Variants in POC1B observed in about 807,000 individuals in gnomAD.
POC1B encodes the protein POC1 centriolar protein B, also known as POC1 centriolar protein homolog B.
In POC1B, 44 loss-of-function variants were observed where a neutral mutation model predicts 60.6. The ratio of observed to expected loss-of-function variants is 0.73; its 90% confidence interval spans 0.57 to 0.93. POC1B has a LOEUF of 0.93. POC1B is among the 40% of genes least tolerant of loss of function. The pLI, the probability that POC1B is intolerant of heterozygous loss-of-function variation, is 0.00. For missense variants in POC1B, 555 were observed against 572.3 expected (o/e 0.97, Z 0.31); for synonymous variants, 180 against 198.9 (o/e 0.90, Z 0.80).
intron 10 of POC1B, among the ~76,000 whole-genome samples, chr12:89,442,815 G>A (rs1174911753): frequency 1.3e-5 from 2 of 152,142 alleles, no homozygotes; most frequent in African/African-American, 2.4e-5. Flanking sequence ...TGGCAAATTG[G>A]ATAAAGAGTC....
intron 4 of POC1B, among the ~76,000 whole-genome samples, chr12:89,491,561 T>C (rs1868971158): frequency 6.7e-6 from 1 of 149,726 alleles, no homozygotes; most frequent in South Asian, 2.1e-4. Context: ...GAAGTCAAGG[T>C]TGCAATGAGC....
chr12:89,457,339 A>C (rs554619336), intron 10 of POC1B, among the ~76,000 whole-genome samples: 1 of 152,328 alleles, frequency 6.6e-6, no homozygotes, highest in South Asian at 2.1e-4. Context: ...AAGTAATTTT[A>C]TTTTAGTTTT....
chr12:89,440,059 AT>A (rs1881447484), intron 10 of POC1B, among the ~76,000 whole-genome samples: 1 of 152,116 alleles, frequency 6.6e-6, no homozygotes, highest in African/African-American at 2.4e-5. Flanking sequence ...TGCATCCCCC[AT>A]CCCCAGCTCC....
chr12:89,456,111 C>T (rs1184739548), intron 10 of POC1B, among the ~76,000 whole-genome samples: 1 of 152,022 alleles, frequency 6.6e-6, no homozygotes, highest in Non-Finnish European at 1.5e-5. Flanking sequence ...ACCTCCACCT[C>T]CTGGGTTCAA....
At chr12:89,445,545 G>T (rs1488617282) in intron 10 of POC1B, among the ~76,000 whole-genome samples, 1 of 152,142 alleles carries the variant, frequency 6.6e-6, no homozygotes, top group Non-Finnish European at 1.5e-5. Flanking sequence ...GGGAAAACTG[G>T]CTAGCCATAT....
intron 2 of POC1B, 112 bp downstream of exon 2, chr12:89,525,008 C>T (rs573120625): frequency 2.7e-6 from 4 of 1,490,364 alleles, no homozygotes; most frequent in East Asian, 2.4e-5. Flanking sequence ...TGCTCTCAAC[C>T]CTCATACAGG....
At chr12:89,418,573 G>T (rs1880409525), downstream of POC1B, among the ~76,000 whole-genome samples, 2 of 152,124 alleles carry the variant, frequency 1.3e-5, no homozygotes, top group Non-Finnish European at 2.9e-5. Flanking sequence ...GTTGGAGATG[G>T]GGCTTAAGGG....
chr12:89,476,759 T>TAGACAGACAGACAGATAGATAGACAGAC (rs1883137112), intron 4 of POC1B, among the ~76,000 whole-genome samples: 11 of 58,582 alleles, frequency 1.9e-4, no homozygotes, highest in African/African-American at 5.8e-4. Flanking sequence ...GATAGATAGA[T>TAGACAGACAGACAGATAGATAGACAGAC]AGACAGACAG....
intron 2 of POC1B, among the ~76,000 whole-genome samples, chr12:89,514,402 C>CTTATTTTTTTTTT (rs772337483): frequency 1.5e-5 from 1 of 67,088 alleles, no homozygotes; most frequent in East Asian, 4.8e-4. Context: ...TCATGTATTT[C>CTTATTTTTTTTTT]TTTTTTTTTT....
chr12:89,421,076 T>C lies in POC1B; in HGVS notation c.*77A>G. The C allele has an allele frequency of 1.8e-6, 2 of 1,134,134 alleles. No homozygotes were observed. Among genetic ancestry groups the C allele is most frequent in the Non-Finnish European group, 2.5e-6 (2 of 789,642 alleles). 70.3% of individuals were successfully genotyped at this position (1,134,134 alleles called of 1,614,324 possible). ...CATGGTTGTGTTGTATGGAGTATCT[T>C]GTACTACCTTCCTGAGTGTATGTAC... On this transcript the variant is annotated 3_prime_UTR_variant, in exon 12 of 12. Coordinates refer to ENST00000313546, the MANE Select transcript of POC1B (RefSeq NM_172240.3).
chr12:89,477,807 T>A (rs1371316170), intron 4 of POC1B, among the ~76,000 whole-genome samples: 1 of 152,188 alleles, frequency 6.6e-6, no homozygotes, highest in Non-Finnish European at 1.5e-5. Flanking sequence ...TGTGACATGC[T>A]CATAGCTCTC....
chr12:89,498,219 TAA>T (rs1225966237), intron 2 of POC1B, among the ~76,000 whole-genome samples: 1 of 152,142 alleles, frequency 6.6e-6, no homozygotes, highest in Non-Finnish European at 1.5e-5. Flanking sequence ...TGATGATTAA[TAA>T]AAGAATTAAA....
intron 2 of POC1B, among the ~76,000 whole-genome samples, chr12:89,503,743 T>A (rs1869732154): frequency 8.0e-6 from 1 of 124,714 alleles, no homozygotes; most frequent in African/African-American, 3.2e-5. Flanking sequence ...GTCTGAGAAG[T>A]GAGGAGCCCC....
the POC1B span, among the ~76,000 whole-genome samples, chr12:89,406,654 G>A: frequency 6.6e-6 from 1 of 151,988 alleles, no homozygotes; most frequent in African/African-American, 2.4e-5. Context: ...GCAAGAGCAT[G>A]AGAGCTGTGC....
rs769550220 is a variant in POC1B at position 89,525,939 on chromosome 12, G to A, written c.-44C>T. 5.1e-5 allele frequency: 78 copies of A among 1,532,454 alleles called. No individual in the cohort carries two copies. In the East Asian group the frequency reaches 6.5e-4, roughly 13 times the overall value. 94.9% of individuals were successfully genotyped at this position (1,532,454 alleles called of 1,614,324 possible). ...AAGGCTCCTGTGGGTGGGGGAACCC[G>A]GAGAGGGGAGGGGAGAGGATGGGGA... On this transcript the variant is annotated 5_prime_UTR_variant, in exon 1 of 12. Coordinates refer to ENST00000313546, the MANE Select transcript of POC1B (RefSeq NM_172240.3).
chr12:89,525,978 G>A lies in POC1B; in HGVS notation c.-83C>T. 6.5e-7 allele frequency: 1 copy of A among 1,544,794 alleles called. No homozygotes were observed. The highest frequency in any genetic ancestry group is 8.7e-7 in the Non-Finnish European group (1 of 1,145,276). ...AGAGGATGGGGAAGGAGAGGGGACC[G>A]TGCGGCTCCCGGAACCGTCTGCCCA... On this transcript the variant is annotated 5_prime_UTR_variant, in exon 1 of 12. The change creates a new upstream start codon in the 5' untranslated region. Transcript: ENST00000313546.
intron 2 of POC1B, chr12:89,500,760 A>T (rs1248713141): frequency 7.4e-6 from 8 of 1,077,242 alleles, no homozygotes; most frequent in Non-Finnish European, 1.1e-5. Flanking sequence ...ATAGATAGAA[A>T]TAGATAATAA....
intron 2 of POC1B, among the ~76,000 whole-genome samples, chr12:89,504,290 G>C (rs184237461): frequency 6.6e-6 from 1 of 152,218 alleles, no homozygotes; most frequent in Non-Finnish European, 1.5e-5. Flanking sequence ...GGATGCTGTT[G>C]ATCTATGACC....
intron 10 of POC1B, among the ~76,000 whole-genome samples, chr12:89,449,514 GA>G (rs1463763424): frequency 6.6e-6 from 1 of 151,794 alleles, no homozygotes; most frequent in Admixed American, 6.6e-5. Flanking sequence ...ATAAATGAAA[GA>G]AAAAAGGGGA....
Sources: gnomAD v4.1 joint callset for allele counts (sites outside exome capture counted in the v4.1 genomes callset) on GRCh38, gnomAD v4.1.1 for gene constraint, MANE v1.5 for transcripts, NCBI Gene and HGNC (gene_info 2026-07-23, HGNC 2026-07-21) for gene names.